BTBD9: variants seen among roughly 807,000 people sequenced by gnomAD.
BTBD9 encodes BTB domain containing 9, also known as BTB/POZ domain-containing protein 9.
A neutral mutation model predicts 64.3 loss-of-function variants in BTBD9; 49 were observed. That is an observed-to-expected ratio of 0.76 (90% confidence interval 0.61 to 0.97). The LOEUF (loss-of-function observed/expected upper bound fraction) is 0.97. Ranked by LOEUF, BTBD9 falls within the 50% of genes least tolerant of loss-of-function variation. The pLI is 0.00. For missense variants in BTBD9, 598 were observed against 762.1 expected, an observed-to-expected ratio of 0.78 and a Z score of 2.53; for synonymous variants, 260 against 274.7, an observed-to-expected ratio of 0.95 and a Z score of 0.53.
At chr6:38,242,325 A>G (rs1327417684) in intron 9 of BTBD9, among the ~76,000 whole-genome samples, 1 of 152,196 alleles carries the variant, frequency 6.6e-6, no homozygotes, top group African/African-American at 2.4e-5. Flanking sequence ...ATATACTTAC[A>G]GTACTTACAT....
At chr6:38,217,002 C>A (rs1199084942) in intron 9 of BTBD9, among the ~76,000 whole-genome samples, 1 of 151,820 alleles carries the variant, frequency 6.6e-6, no homozygotes, top group East Asian at 1.9e-4. Context: ...GGCCTGGGAG[C>A]CACACTTTAA....
intron 9 of BTBD9, among the ~76,000 whole-genome samples, chr6:38,198,622 A>C (rs912785794): frequency 6.6e-6 from 1 of 152,162 alleles, no homozygotes; most frequent in African/African-American, 2.4e-5. Context: ...TATAAAGAGA[A>C]AGCACATATC....
intron 10 of BTBD9, among the ~76,000 whole-genome samples, chr6:38,175,929 A>G (rs1761223037): frequency 6.6e-6 from 1 of 152,252 alleles, no homozygotes; most frequent in Admixed American, 6.5e-5. Context: ...GAAGCCAGCC[A>G]CCTGGCCGAC....
intron 6 of BTBD9, among the ~76,000 whole-genome samples, chr6:38,552,482 T>C (rs1213105121): frequency 1.3e-5 from 2 of 151,932 alleles, no homozygotes; most frequent in South Asian, 2.1e-4. Flanking sequence ...CAAAGATTAA[T>C]GAAAAAATAA....
At chr6:38,175,584 T>C (rs1291977941) in intron 10 of BTBD9, among the ~76,000 whole-genome samples, 2 of 152,022 alleles carry the variant, frequency 1.3e-5, no homozygotes, top group African/African-American at 4.8e-5. Flanking sequence ...GTGGTTCGAT[T>C]CTGTGAGGTT....
At chr6:38,314,977 T>A (rs1762981867) in intron 7 of BTBD9, among the ~76,000 whole-genome samples, 1 of 152,034 alleles carries the variant, frequency 6.6e-6, no homozygotes, top group Non-Finnish European at 1.5e-5. Context: ...AGCCTCCAAG[T>A]ATCTGGGACT....
chr6:38,488,431 C>T (rs144633172), intron 6 of BTBD9, among the ~76,000 whole-genome samples: 5 of 152,222 alleles, frequency 3.3e-5, no homozygotes, highest in Admixed American at 6.5e-5. Context: ...TGCAAGGAAC[C>T]GTATAGAAAC....
At chr6:38,279,876 T>C (rs1373465089) in intron 8 of BTBD9, among the ~76,000 whole-genome samples, 1 of 152,252 alleles carries the variant, frequency 6.6e-6, no homozygotes, top group Non-Finnish European at 1.5e-5. Context: ...GGTTAAAATC[T>C]TGGAAAGCTA....
At chr6:38,506,220 T>C (rs577346545) in intron 6 of BTBD9, among the ~76,000 whole-genome samples, 133 of 152,258 alleles carry the variant, frequency 8.7e-4, no homozygotes, top group Non-Finnish European at 1.7e-3. Context: ...AATAAACCCA[T>C]CATAAGTTGA....
intron 6 of BTBD9, among the ~76,000 whole-genome samples, chr6:38,570,792 G>A (rs1258674034): frequency 6.6e-6 from 1 of 152,128 alleles, no homozygotes; most frequent in Non-Finnish European, 1.5e-5. Context: ...TCTGGACTTT[G>A]GACATAATTA....
intron 6 of BTBD9, among the ~76,000 whole-genome samples, chr6:38,359,096 A>C (rs1164775439): frequency 6.6e-6 from 1 of 152,194 alleles, no homozygotes; most frequent in Non-Finnish European, 1.5e-5. Context: ...TGTTAAGCTA[A>C]GGAAAGTTAA....
intron 6 of BTBD9, among the ~76,000 whole-genome samples, chr6:38,552,095 C>T (rs1426409068): frequency 6.6e-6 from 1 of 152,154 alleles, no homozygotes; most frequent in Non-Finnish European, 1.5e-5. Context: ...TATGAGGTGG[C>T]TCAGCATCTA....
intron 7 of BTBD9, among the ~76,000 whole-genome samples, chr6:38,341,121 A>ATCTATAT (rs1229544213): frequency 6.6e-6 from 1 of 152,240 alleles, no homozygotes. Context: ...ATAGATTTAA[A>ATCTATAT]GAGATTAAAG....
intron 6 of BTBD9, among the ~76,000 whole-genome samples, chr6:38,345,853 C>T (rs190148774): frequency 3.3e-5 from 5 of 152,300 alleles, no homozygotes; most frequent in Non-Finnish European, 5.9e-5. Flanking sequence ...ACTTCATCTC[C>T]GACAAACAAG....
chr6:38,339,829 C>A (rs1764032868), intron 7 of BTBD9, among the ~76,000 whole-genome samples: 1 of 152,102 alleles, frequency 6.6e-6, no homozygotes, highest in African/African-American at 2.4e-5. Flanking sequence ...AACAGATGAA[C>A]CTAATTGTAT....
chr6:38,565,144 T>A (rs1329627360), intron 6 of BTBD9, among the ~76,000 whole-genome samples: 1 of 152,208 alleles, frequency 6.6e-6, no homozygotes, highest in Non-Finnish European at 1.5e-5. Context: ...TTCTGAACTG[T>A]CTTTCACAGC....
intron 8 of BTBD9, among the ~76,000 whole-genome samples, chr6:38,270,748 C>T (rs777495439): frequency 1.3e-5 from 2 of 152,214 alleles, no homozygotes; most frequent in Non-Finnish European, 2.9e-5. Flanking sequence ...TAGTTATTTC[C>T]TTAGCCTATT....
chr6:38,247,393 C>T (rs2127528947), intron 9 of BTBD9, among the ~76,000 whole-genome samples: 1 of 152,268 alleles, frequency 6.6e-6, no homozygotes, highest in South Asian at 2.1e-4. Flanking sequence ...GTGCATTCAG[C>T]AAGGGGACAG....
chr6:38,379,107 G>A lies in BTBD9; in HGVS notation c.1155-34014C>T, dbSNP rs117311013. Among the ~76,000 whole-genome samples, 78 of 152,196 alleles carry A rather than the reference G, an allele frequency of 5.1e-4. No individual in the cohort carries two copies. The East Asian group carries it at 0.014, about 28-fold the overall frequency. On this transcript the variant is annotated intron_variant, in intron 6 of 10. Transcript: ENST00000481247. ...ACCCTGAGGTCATCTGCTGATCCCC[G>A]GTAGCAGTTTGGATTTTAACAGGCC...
Sources: allele counts gnomAD v4.1 joint callset (sites outside exome capture counted in the v4.1 genomes callset), GRCh38; gene constraint gnomAD v4.1.1; transcripts MANE v1.5; gene names NCBI Gene and HGNC (gene_info 2026-07-23, HGNC 2026-07-21).